Variants in JAKMIP2 observed in about 807,000 individuals in gnomAD.
The protein encoded by JAKMIP2 is janus kinase and microtubule-interacting protein 2.
In JAKMIP2, 25 loss-of-function variants were observed where a neutral mutation model predicts 115.0. That is an observed-to-expected ratio of 0.22 (90% CI 0.16 to 0.30). The LOEUF (loss-of-function observed/expected upper bound fraction) is 0.30, where lower values mean the gene tolerates loss of function less well. JAKMIP2 is among the 10% of genes least tolerant of loss of function. The pLI is 1.00. For missense variants in JAKMIP2, 642 were observed against 957.6 expected, an observed-to-expected ratio of 0.67 and a Z score of 4.35; for synonymous variants, 334 against 343.6, an observed-to-expected ratio of 0.97 and a Z score of 0.31.
chr5:147,626,625 C>T (rs981126783), intron 16 of JAKMIP2, among the ~76,000 whole-genome samples: 2 of 152,158 alleles, frequency 1.3e-5, no homozygotes, highest in Non-Finnish European at 2.9e-5. Flanking sequence ...GTGCCTATCT[C>T]AAAAGGAGCA....
At chr5:147,658,537 C>T (rs998189175) in intron 3 of JAKMIP2, among the ~76,000 whole-genome samples, 10 of 152,184 alleles carry the variant, frequency 6.6e-5, no homozygotes, top group African/African-American at 1.2e-4. Flanking sequence ...AGAGCTGGTG[C>T]GCTGTGCTGG....
At chr5:147,690,542 TATATATATATATATATATATA>T (rs1751787889) in intron 1 of JAKMIP2, among the ~76,000 whole-genome samples, 1 of 1,750 alleles carries the variant, frequency 5.7e-4, no homozygotes, top group African/African-American at 1.4e-3. Flanking sequence ...AAAGAGATTA[TATATATATATATATATATATA>T]TATATATATA....
In JAKMIP2 at chr5:147,660,911, G is replaced by A. The variant is rs375838953; in HGVS notation, c.627+37C>T. ...CAGCGCTCTGAAACCTGGAAGAGATGGGTTCTACATGGGTCTGATGGGATT... is the reference window on the plus strand; with the variant it reads ...CAGCGCTCTGAAACCTGGAAGAGATAGGTTCTACATGGGTCTGATGGGATT... On this transcript the variant is annotated intron_variant, in intron 3 of 21. Coordinates refer to ENST00000616793, the MANE Select transcript of JAKMIP2 (RefSeq NM_001270941.2). 28 of 1,590,384 alleles carry A rather than the reference G, an allele frequency of 1.8e-5. No individual in the cohort carries two copies. The African/African-American group carries it at 3.7e-4, about 21-fold the overall frequency.
intron 6 of JAKMIP2, 148 bp downstream of exon 6, chr5:147,644,702 G>T: frequency 1.5e-6 from 1 of 658,672 alleles, no homozygotes; most frequent in Non-Finnish European, 2.4e-6. Context: ...ACCTTCTCTT[G>T]CTTTCTTCAT....
At chr5:147,716,803 C>A (rs1360635375) in intron 1 of JAKMIP2, among the ~76,000 whole-genome samples, 2 of 146,960 alleles carry the variant, frequency 1.4e-5, no homozygotes, top group Admixed American at 1.4e-4. Flanking sequence ...GTTGCCTGTT[C>A]ACTCTGATGG....
At position 147,660,899 on chromosome 5, in the gene JAKMIP2, C is replaced by A. The variant is rs762340444; in HGVS notation, c.627+49G>T. On this transcript the variant is annotated intron_variant, in intron 3 of 21. Transcript: ENST00000616793. Reference sequence around the variant, plus strand: ...AAGCAAACCCCACAGCGCTCTGAAACCTGGAAGAGATGGGTTCTACATGGG... The same window carrying A: ...AAGCAAACCCCACAGCGCTCTGAAAACTGGAAGAGATGGGTTCTACATGGG... 2.6e-5 allele frequency: 41 copies of A among 1,583,910 alleles called. 1 individual carries two copies. Among genetic ancestry groups the A allele is most frequent in the Non-Finnish European group, 3.4e-5 (40 of 1,166,896 alleles).
At chr5:147,762,112 T>G (rs1754948485) in intron 1 of JAKMIP2, among the ~76,000 whole-genome samples, 1 of 152,036 alleles carries the variant, frequency 6.6e-6, no homozygotes, top group Non-Finnish European at 1.5e-5. Context: ...AGGAAGGATT[T>G]GAGGGTTTGT....
chr5:147,649,311 T>A (rs1758279741), intron 4 of JAKMIP2, among the ~76,000 whole-genome samples: 1 of 152,214 alleles, frequency 6.6e-6, no homozygotes, highest in Admixed American at 6.5e-5. Flanking sequence ...GTGGCTAATG[T>A]CAAAAGATAA....
At chr5:147,695,195 T>C (rs1752047370) in intron 1 of JAKMIP2, among the ~76,000 whole-genome samples, 1 of 152,160 alleles carries the variant, frequency 6.6e-6, no homozygotes, top group Non-Finnish European at 1.5e-5. Context: ...TTAGGGACAG[T>C]TGCCAATGAT....
intron 20 of JAKMIP2, among the ~76,000 whole-genome samples, chr5:147,603,689 C>T (rs1432674907): frequency 2.6e-5 from 4 of 152,156 alleles, no homozygotes; most frequent in African/African-American, 7.2e-5. Flanking sequence ...GTGAAATATG[C>T]AAGGTTGATA....
chr5:147,700,400 A>G (rs2126882820), intron 1 of JAKMIP2, among the ~76,000 whole-genome samples: 1 of 152,292 alleles, frequency 6.6e-6, no homozygotes, highest in South Asian at 2.1e-4. Flanking sequence ...ATAGATCTAA[A>G]GAAATTATTC....
At chr5:147,643,031 G>A in intron 7 of JAKMIP2, among the ~76,000 whole-genome samples, 1 of 151,992 alleles carries the variant, frequency 6.6e-6, no homozygotes, top group East Asian at 1.9e-4. Context: ...TTTGGGACTT[G>A]GACTGGCTTC....
chr5:147,718,525 T>G (rs1293410969), intron 1 of JAKMIP2, among the ~76,000 whole-genome samples: 5 of 151,902 alleles, frequency 3.3e-5, no homozygotes, highest in East Asian at 2.0e-4. Context: ...CAATTTCAGA[T>G]CCTGTTATTG....
Position 147,782,482 on chromosome 5 carries a change from A to G in JAKMIP2, c.-175T>C. On this transcript the variant is annotated 5_prime_UTR_variant, in exon 1 of 22. Coordinates refer to ENST00000616793, the MANE Select transcript of JAKMIP2 (RefSeq NM_001270941.2). ...ATGCTGAGACCCGGAGAAGCTGTTTAAAGGAGGGAGAGATGCAAACTGAAT... is the reference window on the plus strand; with the variant it reads ...ATGCTGAGACCCGGAGAAGCTGTTTGAAGGAGGGAGAGATGCAAACTGAAT... 3 of 1,535,932 alleles carry G rather than the reference A, an allele frequency of 2.0e-6. No homozygotes were observed. The South Asian group carries it at 3.6e-5, about 18-fold the overall frequency.
chr5:147,605,594 T>C (rs779713493), intron 20 of JAKMIP2, among the ~76,000 whole-genome samples: 1 of 152,208 alleles, frequency 6.6e-6, no homozygotes, highest in Non-Finnish European at 1.5e-5. Flanking sequence ...AGTGCTGCAA[T>C]AAACATACGT....
At chr5:147,765,157 A>T (rs1755111971) in intron 1 of JAKMIP2, among the ~76,000 whole-genome samples, 1 of 151,996 alleles carries the variant, frequency 6.6e-6, no homozygotes, top group Admixed American at 6.6e-5. Flanking sequence ...TTACGGTATG[A>T]GCATGTACTG....
At chr5:147,593,594 A>G (rs1755204305) in intron 21 of JAKMIP2, among the ~76,000 whole-genome samples, 1 of 152,216 alleles carries the variant, frequency 6.6e-6, no homozygotes, top group African/African-American at 2.4e-5. Context: ...GGAAGAAATG[A>G]GAATAAAACA....
At chr5:147,746,514 A>G (rs1356638244) in intron 1 of JAKMIP2, among the ~76,000 whole-genome samples, 1 of 151,658 alleles carries the variant, frequency 6.6e-6, no homozygotes, top group Non-Finnish European at 1.5e-5. Context: ...AATAGCAAAT[A>G]TGTAAAATAA....
At chr5:147,638,013 T>A (rs896392117) in intron 10 of JAKMIP2, among the ~76,000 whole-genome samples, 1 of 152,214 alleles carries the variant, frequency 6.6e-6, no homozygotes, top group Non-Finnish European at 1.5e-5. Flanking sequence ...ATTCTTTTGA[T>A]TGTTAAATAT....
Sources: gnomAD v4.1 joint callset for allele counts (sites outside exome capture counted in the v4.1 genomes callset) on GRCh38, gnomAD v4.1.1 for gene constraint, MANE v1.5 for transcripts, NCBI Gene and HGNC (gene_info 2026-07-23, HGNC 2026-07-21) for gene names.